The following CNTNAP5 variants were observed in gnomAD, a reference collection of about 807,000 sequenced individuals.
CNTNAP5 encodes contactin-associated protein-like 5.
Under a neutral mutation model 150.2 loss-of-function variants are expected in CNTNAP5, and 72 were observed. The observed-to-expected ratio is 0.48, with a 90% CI of 0.40 to 0.58. The LOEUF (loss-of-function observed/expected upper bound fraction) is 0.58. CNTNAP5 is among the 20% of genes least tolerant of loss of function. The pLI, the probability that CNTNAP5 is intolerant of heterozygous loss-of-function variation, is 0.00. For synonymous variants in CNTNAP5, 672 were observed against 619.8 expected, an observed-to-expected ratio of 1.08 and a Z score of -1.25; for missense variants, 1,636 against 1,626.2, an observed-to-expected ratio of 1.01 and a Z score of -0.10.
chr2:124,262,826 T>A lies in CNTNAP5; in HGVS notation c.381+20433T>A, dbSNP rs994376028. Among the ~76,000 whole-genome samples the A allele has an allele frequency of 1.3e-4, 13 of 102,768 alleles. No homozygotes were observed. The South Asian group carries it at 1.4e-3, about 11-fold the overall frequency. The allele number at this position is 102,768 out of a possible 152,430, so 67.4% of individuals were successfully genotyped here. A position where few individuals can be genotyped will look rare whatever the true frequency, so the allele number is the denominator to read the frequency against. ...CCCCCCACCCCACAACAGGCCCCAG[T>A]GTGTGATGTTCCCCTTCCTGGGTCC... On this transcript the variant is annotated intron_variant, in intron 3 of 23. Coordinates refer to ENST00000682447, the MANE Select transcript of CNTNAP5 (RefSeq NM_001367498.1).
rs551147924 is a variant in CNTNAP5 at position 124,269,759 on chromosome 2, T to TAG, written c.381+27366_381+27367insAG. Among the ~76,000 whole-genome samples the TAG allele has an allele frequency of 2.3e-3, 345 of 152,190 alleles. 2 individuals are homozygous for TAG. Among genetic ancestry groups the TAG allele is most frequent in the African/African-American group, 8.1e-3 (337 of 41,540 alleles). ...AGTCACGACCTTATCCTACAGCATG[T>TAG]GATGGAGCAAAGAAGTAAAAAATGT... On this transcript the variant is annotated intron_variant, in intron 3 of 23. Coordinates refer to ENST00000682447, the MANE Select transcript of CNTNAP5 (RefSeq NM_001367498.1).
chr2:124,357,788 G>A (rs1458430371), intron 3 of CNTNAP5, among the ~76,000 whole-genome samples: 26 of 145,486 alleles, frequency 1.8e-4, no homozygotes, highest in African/African-American at 4.8e-4. Flanking sequence ...TTGGCGATGC[G>A]GGCTCTTTTT....
At position 124,914,466 on chromosome 2, in the gene CNTNAP5, G is replaced by T. The variant is rs754613405; in HGVS notation, c.*178G>T. 5.0e-6 allele frequency: 3 copies of T among 595,268 alleles called. No homozygotes were observed. Among genetic ancestry groups the T allele is most frequent in the Non-Finnish European group, 9.0e-6 (3 of 331,822 alleles). 36.9% of individuals were successfully genotyped at this position (595,268 alleles called of 1,614,324 possible). A position where few individuals can be genotyped will look rare whatever the true frequency, so the allele number is the denominator to read the frequency against. On this transcript the variant is annotated 3_prime_UTR_variant, in exon 24 of 24. Coordinates refer to ENST00000682447, the MANE Select transcript of CNTNAP5 (RefSeq NM_001367498.1). ...TTGATCCAGCCCAAGAGACCAGGCAGCCATGGCCACTGCCTTCCTCTCTGA... is the reference window on the plus strand; with the variant it reads ...TTGATCCAGCCCAAGAGACCAGGCATCCATGGCCACTGCCTTCCTCTCTGA...
intron 22 of CNTNAP5, among the ~76,000 whole-genome samples, chr2:124,910,717 C>T (rs187657037): frequency 2.2e-3 from 341 of 152,094 alleles, no homozygotes; most frequent in Middle Eastern, 0.014. Flanking sequence ...CAACAATACT[C>T]ATGTTGTAGT....
intron 7 of CNTNAP5, among the ~76,000 whole-genome samples, chr2:124,487,409 T>A (rs1693910456): frequency 6.6e-6 from 1 of 152,174 alleles, no homozygotes; most frequent in African/African-American, 2.4e-5. Flanking sequence ...GACAGAAATT[T>A]CGTATCCAAA....
intron 7 of CNTNAP5, among the ~76,000 whole-genome samples, chr2:124,501,367 G>A (rs1186266333): frequency 6.6e-6 from 1 of 152,094 alleles, no homozygotes; most frequent in Non-Finnish European, 1.5e-5. Context: ...ACATACAGAG[G>A]GACAAATGGG....
At chr2:124,574,155 A>G (rs2104942340) in intron 11 of CNTNAP5, among the ~76,000 whole-genome samples, 1 of 152,256 alleles carries the variant, frequency 6.6e-6, no homozygotes, top group African/African-American at 2.4e-5. Context: ...AAAAACCAAG[A>G]GGCAAAACGT....
chr2:124,780,013 C>A (rs1681416580), intron 17 of CNTNAP5, among the ~76,000 whole-genome samples: 1 of 152,106 alleles, frequency 6.6e-6, no homozygotes, highest in South Asian at 2.1e-4. Context: ...CAATAAAAAT[C>A]TAATGGATTA....
chr2:124,507,046 C>T (rs563346149), intron 8 of CNTNAP5, among the ~76,000 whole-genome samples: 144 of 152,264 alleles, frequency 9.5e-4, no homozygotes, highest in Non-Finnish European at 1.6e-3. Context: ...CATTTTATTA[C>T]ATGCACACAG....
chr2:124,506,626 G>A (rs1383255087), intron 8 of CNTNAP5, among the ~76,000 whole-genome samples: 1 of 152,186 alleles, frequency 6.6e-6, no homozygotes, highest in African/African-American at 2.4e-5. Flanking sequence ...GTATTAATAT[G>A]TTTTCTCCTT....
At chr2:124,437,257 C>G (rs1692554677) in intron 5 of CNTNAP5, among the ~76,000 whole-genome samples, 1 of 152,124 alleles carries the variant, frequency 6.6e-6, no homozygotes, top group Non-Finnish European at 1.5e-5. Flanking sequence ...TGTTCACCTT[C>G]AAGCCTGCAC....
chr2:124,033,205 T>A (rs995471843), intron 1 of CNTNAP5, among the ~76,000 whole-genome samples: 2 of 152,192 alleles, frequency 1.3e-5, no homozygotes, highest in African/African-American at 4.8e-5. Context: ...GATAGAGTTT[T>A]AAAGGATGAC....
intron 1 of CNTNAP5, among the ~76,000 whole-genome samples, chr2:124,201,329 T>C (rs1415102884): frequency 1.3e-5 from 2 of 152,196 alleles, no homozygotes; most frequent in Non-Finnish European, 2.9e-5. Flanking sequence ...TATCAATCAC[T>C]CAGTGAGTCA....
intron 19 of CNTNAP5, among the ~76,000 whole-genome samples, chr2:124,832,841 G>T (rs314701): frequency 0.87 from 131,576 of 151,950 alleles, 57,452 homozygotes; most frequent in African/African-American, 0.97. Context: ...AGACTCTGCA[G>T]GTTAACTCTA....
intron 1 of CNTNAP5, among the ~76,000 whole-genome samples, chr2:124,216,858 A>T (rs1686171089): frequency 6.6e-6 from 1 of 152,184 alleles, no homozygotes; most frequent in Admixed American, 6.5e-5. Flanking sequence ...ATACGTGTGC[A>T]TGTGTCTTTA....
chr2:124,539,414 T>C (rs1162666806), intron 10 of CNTNAP5, among the ~76,000 whole-genome samples: 3 of 152,182 alleles, frequency 2.0e-5, no homozygotes, highest in East Asian at 1.9e-4. Flanking sequence ...GTCTCCCTGG[T>C]TGTCAACTGA....
intron 3 of CNTNAP5, among the ~76,000 whole-genome samples, chr2:124,280,604 C>T (rs1351573948): frequency 2.0e-5 from 3 of 152,042 alleles, no homozygotes; most frequent in South Asian, 2.1e-4. Context: ...GACAGCAAAA[C>T]GTTGAGCATT....
At chr2:124,180,264 A>G (rs568210009) in intron 1 of CNTNAP5, among the ~76,000 whole-genome samples, 1 of 152,336 alleles carries the variant, frequency 6.6e-6, no homozygotes, top group South Asian at 2.1e-4. Flanking sequence ...TTTTAGGCCA[A>G]CATCAGATAT....
In CNTNAP5 at chr2:124,294,868, A is replaced by G. The variant is rs567518347; in HGVS notation, c.381+52475A>G. 1.6e-3 allele frequency among the ~76,000 whole-genome samples: 248 copies of G among 152,314 alleles called. 2 individuals are homozygous for G. Among genetic ancestry groups the G allele is most frequent in the Non-Finnish European group, 2.7e-3 (184 of 68,026 alleles). On this transcript the variant is annotated intron_variant, in intron 3 of 23. Coordinates refer to ENST00000682447, the MANE Select transcript of CNTNAP5 (RefSeq NM_001367498.1). ...TAAAACTAGAGAGGAGATGGCTGGG[A>G]GCGCCGAGGCGGGCGGATCACAAGG...
Sources: gnomAD v4.1 joint callset for allele counts (sites outside exome capture counted in the v4.1 genomes callset) on GRCh38, gnomAD v4.1.1 for gene constraint, MANE v1.5 for transcripts, NCBI Gene and HGNC (gene_info 2026-07-23, HGNC 2026-07-21) for gene names.